Variants in THAP12 observed in about 807,000 individuals in gnomAD.
THAP12 encodes THAP domain containing 12.
A neutral mutation model predicts 63.0 loss-of-function variants in THAP12; 20 were observed. The ratio of observed to expected loss-of-function variants is 0.32; its 90% CI spans 0.22 to 0.46. The LOEUF is 0.46. Among genes scored for constraint, THAP12 ranks in the 20% least tolerant of loss-of-function variants. The pLI, the probability that THAP12 is intolerant of heterozygous loss-of-function variation, is 1.00. For missense variants in THAP12, 568 were observed against 908.2 expected, an observed-to-expected ratio of 0.63 and a Z score of 4.81; for synonymous variants, 264 against 328.4, an observed-to-expected ratio of 0.80 and a Z score of 2.12.
In THAP12 at chr11:76,355,634, T is replaced by C. The variant is rs768263472; in HGVS notation, c.339A>G (p.Thr113=). The C allele has an allele frequency of 6.3e-7, 1 of 1,595,440 alleles. No homozygotes were observed. The highest frequency in any genetic ancestry group is 8.5e-7 in the Non-Finnish European group (1 of 1,173,168). Residue 113 remains threonine, a synonymous_variant, in exon 4 of 5, where the codon ACA becomes ACG. Transcript: ENST00000260045. ...IKELSEDEIR[T]LKQKKIDETS... Reference sequence around the variant, plus strand: ...ATCACTTACTTTTTTTCTGTTTCAGTGTCCTGATTTCATCTTCACTCTAAA... The same window carrying C: ...ATCACTTACTTTTTTTCTGTTTCAGCGTCCTGATTTCATCTTCACTCTAAA...
At chr11:76,377,028 G>GT (rs1469366192) in intron 1 of THAP12, among the ~76,000 whole-genome samples, 1 of 152,198 alleles carries the variant, frequency 6.6e-6, no homozygotes, top group Non-Finnish European at 1.5e-5. Flanking sequence ...TACTGAGCGA[G>GT]TTCTTTCCCA....
chr11:76,366,682 G>GAAA (rs755862384), intron 1 of THAP12, among the ~76,000 whole-genome samples: 1 of 137,766 alleles, frequency 7.3e-6, no homozygotes, highest in African/African-American at 2.7e-5. Context: ...CTCCGTCTCG[G>GAAA]AAAAAAAAAA....
chr11:76,354,704 T>C (rs1224713225), intron 4 of THAP12, among the ~76,000 whole-genome samples: 2 of 152,194 alleles, frequency 1.3e-5, no homozygotes, highest in Non-Finnish European at 2.9e-5. Context: ...CTATGTACCA[T>C]GGAAATCAGG....
At chr11:76,366,237 C>T (rs1055127119) in intron 1 of THAP12, among the ~76,000 whole-genome samples, 1 of 152,118 alleles carries the variant, frequency 6.6e-6, no homozygotes, top group African/African-American at 2.4e-5. Flanking sequence ...AGAACTGAAA[C>T]CTGCATCTTC....
chr11:76,366,896 G>A (rs1370562395), intron 1 of THAP12, among the ~76,000 whole-genome samples: 1 of 152,012 alleles, frequency 6.6e-6, no homozygotes, highest in Non-Finnish European at 1.5e-5. Context: ...CAAAGTCCAT[G>A]CCCTCTCGGT....
At position 76,350,810 on chromosome 11, in the gene THAP12, T is replaced by TA. The variant is rs1213409845; in HGVS notation, c.*53dup. 4 of 1,473,948 alleles carry TA rather than the reference T, an allele frequency of 2.7e-6. No homozygotes were observed. In the Admixed American group the frequency reaches 8.1e-5, roughly 30 times the overall value. The allele number at this position is 1,473,948 out of a possible 1,614,324, so 91.3% of individuals were successfully genotyped here. ...GTGATTAAGTGGTCTACATACACCT[T>TA]ACGGCTTTTTCTTCCAAATATCAAA... On this transcript the variant is annotated 3_prime_UTR_variant, in exon 5 of 5. Transcript: ENST00000260045.
intron 1 of THAP12, among the ~76,000 whole-genome samples, chr11:76,376,251 C>T (rs1316592468): frequency 1.3e-5 from 2 of 152,170 alleles, no homozygotes; most frequent in East Asian, 1.9e-4. Flanking sequence ...TACCCCAAAT[C>T]GTACACTTTA....
Position 76,351,623 on chromosome 11 carries a change from A to C in THAP12, c.1527T>G (p.Phe509Leu). The C allele has an allele frequency of 1.3e-6, 2 of 1,584,844 alleles. No homozygotes were observed. The highest frequency in any genetic ancestry group is 1.7e-6 in the Non-Finnish European group (2 of 1,163,736). Reference sequence around the variant, plus strand: ...GTACTGCAGTCAAGCTACCGGCCGCAAAGAAGACATCAGAGGTTTGCCCCT... The same window carrying C: ...GTACTGCAGTCAAGCTACCGGCCGCCAAGAAGACATCAGAGGTTTGCCCCT... Reference protein sequence around the residue: ...NLQGQTSDVFFAAGSLTAVLH... With the variant: ...NLQGQTSDVFLAAGSLTAVLH... Residue 509 changes from phenylalanine (F) to leucine (L), a missense_variant, in exon 5 of 5, where the codon TTT (phenylalanine) becomes TTG (leucine). Phe to Leu is a conservative substitution (Grantham distance 22, BLOSUM62 0). Transcript: ENST00000260045.
chr11:76,353,339 C>G (rs958231952), intron 4 of THAP12, among the ~76,000 whole-genome samples: 1 of 152,140 alleles, frequency 6.6e-6, no homozygotes, highest in Non-Finnish European at 1.5e-5. Flanking sequence ...CAGGTGGTAT[C>G]GGCCCCACTT....
intron 1 of THAP12, among the ~76,000 whole-genome samples, chr11:76,366,757 G>A (rs368135470): frequency 6.6e-6 from 1 of 151,678 alleles, no homozygotes; most frequent in African/African-American, 2.4e-5. Context: ...GGCTGTATTC[G>A]TTTATCTTCC....
In THAP12 at chr11:76,352,280, T is replaced by C. The variant is rs1156333499; in HGVS notation, c.870A>G (p.Arg290=). Residue 290 remains arginine, a synonymous_variant, in exon 5 of 5, where the codon AGA becomes AGG. Transcript: ENST00000260045. ...VRFVDESHNL[R]EEFIGFLPYE... is the part of the protein sequence containing the mutation. The stretch of plus-strand genomic sequence containing the variant: ...AAGGCAGGAAGCCTATAAATTCCTC[T>C]CTTAGGTTATGAGATTCATCAACAA... 1 of 1,611,732 alleles carries C rather than the reference T, an allele frequency of 6.2e-7. No homozygotes were observed. Among genetic ancestry groups the C allele is most frequent in the Admixed American group, 1.7e-5 (1 of 59,974 alleles).
intron 1 of THAP12, among the ~76,000 whole-genome samples, chr11:76,372,589 T>A (rs369189608): frequency 0.011 from 1,326 of 116,710 alleles, 20 homozygotes; most frequent in African/African-American, 0.039. Flanking sequence ...CTGTTACATT[T>A]AAAAAAAAAA....
intron 1 of THAP12, among the ~76,000 whole-genome samples, chr11:76,373,308 T>C: frequency 6.7e-6 from 1 of 149,656 alleles, no homozygotes; most frequent in East Asian, 2.0e-4. Flanking sequence ...ATCGTGTCAT[T>C]GCACTTTAGC....
At chr11:76,380,368 G>A (rs529131367) in intron 1 of THAP12, among the ~76,000 whole-genome samples, 3 of 152,198 alleles carry the variant, frequency 2.0e-5, no homozygotes, top group African/African-American at 7.2e-5. Flanking sequence ...CACAACCATA[G>A]AGTCCTGCTC....
At chr11:76,359,446 C>A (rs930994057) in intron 3 of THAP12, 1 of 152,054 alleles carries the variant, frequency 6.6e-6, no homozygotes, top group Non-Finnish European at 1.5e-5. Flanking sequence ...AATAAATTTA[C>A]AATAGCTAAT....
Position 76,351,543 on chromosome 11 carries a change from A to C in THAP12, c.1607T>G (p.Phe536Cys). The C allele has an allele frequency of 6.4e-7, 1 of 1,573,240 alleles. No individual in the cohort carries two copies. Among genetic ancestry groups the C allele is most frequent in the South Asian group, 1.2e-5 (1 of 85,896 alleles). The change falls in exon 5 of 5, where the codon TTT becomes TGT. Residue 536 changes from phenylalanine to cysteine, a missense_variant. Physicochemically the swap from Phe to Cys is radical, Grantham distance 205 (BLOSUM62 -2). Coordinates refer to ENST00000260045, the MANE Select transcript of THAP12 (RefSeq NM_004705.4). ...GGTTGCCAAATTTGTGGCTTCCTCA[A>C]ACCAAAATTCATGATAAACTTCAAT... ...ENIEVYHEFW[F>C]EEATNLATKL... is the part of the protein sequence containing the mutation.
At chr11:76,360,913 T>C (rs1281275745) in intron 3 of THAP12, 43 bp downstream of exon 3, 6 of 1,287,546 alleles carry the variant, frequency 4.7e-6, no homozygotes, top group Non-Finnish European at 6.7e-6. Context: ...GATTTCATAG[T>C]ATTATGGGGG....
chr11:76,368,693 C>T (rs144341978), intron 1 of THAP12: 36 of 152,148 alleles, frequency 2.4e-4, no homozygotes, highest in Middle Eastern at 3.4e-3. Flanking sequence ...TAAATAGGGC[C>T]GAGTCAGCTG....
At chr11:76,370,231 G>A (rs1193715405) in intron 1 of THAP12, among the ~76,000 whole-genome samples, 2 of 152,216 alleles carry the variant, frequency 1.3e-5, no homozygotes, top group African/African-American at 4.8e-5. Flanking sequence ...GGAGAACCAT[G>A]AAGCAGAGGA....
Sources: allele counts gnomAD v4.1 joint callset (sites outside exome capture counted in the v4.1 genomes callset), GRCh38; gene constraint gnomAD v4.1.1; transcripts MANE v1.5; gene names NCBI Gene and HGNC (gene_info 2026-07-23, HGNC 2026-07-21).